CHST3: variants seen among roughly 807,000 people sequenced by gnomAD.
The protein encoded by CHST3 is C6ST-1.
CHST3 carries 20 observed loss-of-function variants against 35.4 expected under a neutral mutation model. The ratio of observed to expected loss-of-function variants is 0.57; its 90% CI spans 0.40 to 0.82. The LOEUF is 0.82. CHST3 is among the 40% of genes least tolerant of loss of function. The pLI is 0.00. For missense variants in CHST3, 693 were observed against 670.1 expected, an observed-to-expected ratio of 1.03 and a Z score of -0.38; for synonymous variants, 334 against 295.9, an observed-to-expected ratio of 1.13 and a Z score of -1.32.
intron 1 of CHST3, among the ~76,000 whole-genome samples, chr10:71,976,538 G>C (rs190005146): frequency 5.9e-5 from 9 of 152,316 alleles, no homozygotes; most frequent in African/African-American, 1.9e-4. Context: ...TCAGGCTTCA[G>C]GGGTGGCCAT....
At chr10:71,971,976 C>A (rs1839699802) in intron 1 of CHST3, among the ~76,000 whole-genome samples, 1 of 152,178 alleles carries the variant, frequency 6.6e-6, no homozygotes, top group Non-Finnish European at 1.5e-5. Context: ...TTCTCTTTCA[C>A]TTTTCTTCCT....
intron 2 of CHST3, 30 bp downstream of exon 2, chr10:72,006,012 T>C (rs372194028): frequency 8.1e-5 from 115 of 1,422,360 alleles, no homozygotes; most frequent in Non-Finnish European, 1.1e-4. Flanking sequence ...GTCTTCATCT[T>C]CCTTTCAAGG....
intron 1 of CHST3, among the ~76,000 whole-genome samples, chr10:71,979,483 G>A (rs1477846855): frequency 2.0e-5 from 3 of 152,206 alleles, no homozygotes; most frequent in East Asian, 3.9e-4. Flanking sequence ...GAGGCTCTGG[G>A]GATGTGTAGG....
At position 72,007,382 on chromosome 10, in the gene CHST3, G is replaced by A; in HGVS notation, c.351G>A (p.Gln117=). 1.2e-6 allele frequency: 2 copies of A among 1,605,728 alleles called. No individual in the cohort carries two copies. Among genetic ancestry groups the A allele is most frequent in the Non-Finnish European group, 1.7e-6 (2 of 1,177,042 alleles). Residue 117 remains glutamine, a synonymous_variant, in exon 3 of 3, where the codon CAG becomes CAA. Coordinates refer to ENST00000373115, the MANE Select transcript of CHST3 (RefSeq NM_004273.5). ...MEAAGEEEEE[Q]RKEEEPPRPA... is the part of the protein sequence containing the mutation. ...CCGCAGGGGAGGAAGAGGAAGAGCA[G>A]AGAAAGGAGGAGGAGCCGCCCAGAC...
intron 1 of CHST3, among the ~76,000 whole-genome samples, chr10:71,997,974 T>C (rs774858856): frequency 7.2e-5 from 11 of 152,204 alleles, no homozygotes; most frequent in Admixed American, 2.6e-4. Flanking sequence ...TCTCCATAAA[T>C]GATTTAAGAA....
At chr10:72,006,110 C>G (rs1206125542) in intron 2 of CHST3, 128 bp downstream of exon 2, 1 of 1,225,072 alleles carries the variant, frequency 8.2e-7, no homozygotes, top group Non-Finnish European at 1.2e-6. Context: ...CAGGCCCCTT[C>G]TATGTCCCAG....
intron 2 of CHST3, among the ~76,000 whole-genome samples, chr10:72,006,855 A>C (rs1840043624): frequency 6.6e-6 from 1 of 152,142 alleles, no homozygotes; most frequent in African/African-American, 2.4e-5. Context: ...CCACTGGCAC[A>C]CTGGCAAGCC....
rs142959010 is a variant in CHST3 at position 71,994,467 on chromosome 10, T to C, written c.-107-11269T>C. 6.6e-3 allele frequency among the ~76,000 whole-genome samples: 1,008 copies of C among 152,254 alleles called. 10 individuals are homozygous for C. Among genetic ancestry groups the C allele is most frequent in the African/African-American group, 0.023 (941 of 41,536 alleles). On this transcript the variant is annotated intron_variant, in intron 1 of 2. Transcript: ENST00000373115. ...TAAGCAGTAGGTGTCAACAGTGGGC[T>C]TAAAATATTGAATAAATCATACTGT...
At position 72,008,150 on chromosome 10, in the gene CHST3, C is replaced by G; in HGVS notation, c.1119C>G (p.Asp373Glu). 1 of 1,548,516 alleles carries G rather than the reference C, an allele frequency of 6.5e-7. No individual in the cohort carries two copies. ...GCTACATGCTGGTGCGCTACGAGGA[C>G]GTGGCACGCGGGCCGCTGCAGAAGG... Reference protein sequence around the residue: ...RGRYMLVRYEDVARGPLQKAR... With the variant: ...RGRYMLVRYEEVARGPLQKAR... Residue 373 changes from aspartate (D) to glutamate (E), a missense_variant, in exon 3 of 3, where the codon GAC (aspartate) becomes GAG (glutamate). Physicochemically the swap from Asp to Glu is conservative, Grantham distance 45. Transcript: ENST00000373115.
chr10:72,001,001 G>A (rs778440069), intron 1 of CHST3, among the ~76,000 whole-genome samples: 8 of 152,126 alleles, frequency 5.3e-5, no homozygotes, highest in Non-Finnish European at 8.8e-5. Flanking sequence ...AGCATTATTC[G>A]GTGGAGGGGT....
chr10:71,990,268 T>C (rs1839885205), intron 1 of CHST3, among the ~76,000 whole-genome samples: 1 of 152,170 alleles, frequency 6.6e-6, no homozygotes, highest in Admixed American at 6.5e-5. Context: ...GCAGATTTGA[T>C]TTGGGGAGGG....
chr10:71,968,542 T>A (rs1017395304), intron 1 of CHST3, among the ~76,000 whole-genome samples: 2 of 152,188 alleles, frequency 1.3e-5, no homozygotes, highest in African/African-American at 2.4e-5. Context: ...AAGCCAGTAT[T>A]TGAACCCAGA....
chr10:71,975,197 T>C (rs1197124221), intron 1 of CHST3, among the ~76,000 whole-genome samples: 1 of 152,246 alleles, frequency 6.6e-6, no homozygotes, highest in East Asian at 1.9e-4. Context: ...GAGTTCTTTC[T>C]GTACTAAGCA....
intron 1 of CHST3, among the ~76,000 whole-genome samples, chr10:71,979,273 T>C (rs984652555): frequency 2.6e-5 from 4 of 152,016 alleles, no homozygotes; most frequent in Non-Finnish European, 5.9e-5. Flanking sequence ...ATCTGGATAA[T>C]GAAGGAGAGG....
chr10:72,005,903 A>G lies in CHST3; in HGVS notation c.61A>G (p.Arg21Gly), dbSNP rs1032027746. The G allele has an allele frequency of 5.6e-6, 9 of 1,614,104 alleles. No individual in the cohort carries two copies. The highest frequency in any genetic ancestry group is 1.7e-5 in the Admixed American group (1 of 60,008). ...GGACTTTGTGCACAGCCTGAAGATG[A>G]GAAGCAAATACGCCCTTTTCTTGGT... Reference protein sequence around the residue: ...CRDFVHSLKMRSKYALFLVFV... With the variant: ...CRDFVHSLKMGSKYALFLVFV... The change falls in exon 2 of 3, where the codon AGA becomes GGA. Residue 21 changes from arginine (R) to glycine (G), a missense_variant. Coordinates refer to ENST00000373115, the MANE Select transcript of CHST3 (RefSeq NM_004273.5).
chr10:71,994,635 T>TA (rs1839924218), intron 1 of CHST3, among the ~76,000 whole-genome samples: 1 of 152,230 alleles, frequency 6.6e-6, no homozygotes. Context: ...CCTTAGCCCC[T>TA]AACAAGAGAA....
rs993806926 is a variant in CHST3, at chr10:72,008,214, C to T, written c.1183C>T (p.Pro395Ser). 3 of 1,554,602 alleles carry T rather than the reference C, an allele frequency of 1.9e-6. No homozygotes were observed. Among genetic ancestry groups the T allele is most frequent in the Non-Finnish European group, 2.6e-6 (3 of 1,149,252 alleles). ...MYRFAGIPLTPQVEDWIQKNT... is the reference protein window; with the variant it reads ...MYRFAGIPLTSQVEDWIQKNT... Reference sequence around the variant, plus strand: ...CCGCTTCGCCGGCATCCCCCTGACCCCGCAGGTGGAAGACTGGATCCAAAA... The same window carrying T: ...CCGCTTCGCCGGCATCCCCCTGACCTCGCAGGTGGAAGACTGGATCCAAAA... The change falls in exon 3 of 3, where the codon CCG (proline) becomes TCG (serine). Residue 395 changes from proline to serine, a missense_variant. Pro to Ser is a moderately conservative substitution (Grantham distance 74). Coordinates refer to ENST00000373115, the MANE Select transcript of CHST3 (RefSeq NM_004273.5).
chr10:71,989,358 G>T lies in CHST3; in HGVS notation c.-107-16378G>T, dbSNP rs187389387. 1.9e-3 allele frequency among the ~76,000 whole-genome samples: 296 copies of T among 152,094 alleles called. 1 individual carries two copies. Among genetic ancestry groups the T allele is most frequent in the African/African-American group, 6.9e-3 (285 of 41,486 alleles). ...GCTATTTGGGAGGCTGAAGCAGGAG[G>T]ATCACTTGAGTCCAGGAGGTTGAGG... On this transcript the variant is annotated intron_variant, in intron 1 of 2. Coordinates refer to ENST00000373115, the MANE Select transcript of CHST3 (RefSeq NM_004273.5).
chr10:71,979,272 A>G (rs1247385844), intron 1 of CHST3, among the ~76,000 whole-genome samples: 1 of 152,142 alleles, frequency 6.6e-6, no homozygotes, highest in African/African-American at 2.4e-5. Context: ...CATCTGGATA[A>G]TGAAGGAGAG....
Sources: allele counts gnomAD v4.1 joint callset (sites outside exome capture counted in the v4.1 genomes callset), GRCh38; gene constraint gnomAD v4.1.1; transcripts MANE v1.5; gene names NCBI Gene and HGNC (gene_info 2026-07-23, HGNC 2026-07-21).